Variants in SCPEP1 observed in about 807,000 individuals in gnomAD.
SCPEP1 encodes serine carboxypeptidase 1.
A neutral mutation model predicts 63.8 loss-of-function variants in SCPEP1; 51 were observed. The observed-to-expected ratio is 0.80, with a 90% confidence interval of 0.64 to 1.01. The LOEUF (loss-of-function observed/expected upper bound fraction) is 1.01, where lower values mean the gene tolerates loss of function less well. Ranked by LOEUF, SCPEP1 falls within the 50% of genes least tolerant of loss-of-function variation. The pLI, the probability that SCPEP1 is intolerant of heterozygous loss-of-function variation, is 0.00. For synonymous variants in SCPEP1, 204 were observed against 207.8 expected (o/e 0.98, Z 0.16); for missense variants, 499 against 554.9 (o/e 0.90, Z 1.01).
intron 8 of SCPEP1, among the ~76,000 whole-genome samples, chr17:56,996,715 C>T (rs1410677923): frequency 6.6e-6 from 1 of 151,400 alleles, no homozygotes; most frequent in East Asian, 2.0e-4. Context: ...AGAGGGGTTT[C>T]ACCATGTTGA....
chr17:56,993,513 G>A (rs1222597247), intron 6 of SCPEP1, among the ~76,000 whole-genome samples: 1 of 152,110 alleles, frequency 6.6e-6, no homozygotes, highest in African/African-American at 2.4e-5. Flanking sequence ...GCACGATCTC[G>A]GCTCACTGCA....
intron 1 of SCPEP1, 107 bp from the exon 2 acceptor site, chr17:56,980,975 C>A (rs1417369979): frequency 3.0e-6 from 4 of 1,337,054 alleles, no homozygotes; most frequent in African/African-American, 2.9e-5. Context: ...AATTACCAAA[C>A]TATAAAACAA....
At chr17:56,995,256 C>G in intron 7 of SCPEP1, 3 of 563,562 alleles carry the variant, frequency 5.3e-6, no homozygotes. Context: ...TTTCCAATGC[C>G]CTAAATTTTT....
At chr17:56,986,256 G>A (rs999219524) in intron 3 of SCPEP1, among the ~76,000 whole-genome samples, 3 of 147,882 alleles carry the variant, frequency 2.0e-5, no homozygotes, top group Non-Finnish European at 3.0e-5. Flanking sequence ...ATGTCCCTCC[G>A]TCACCAAGGC....
chr17:56,993,435 T>G (rs1361376758), intron 6 of SCPEP1, among the ~76,000 whole-genome samples: 2 of 148,466 alleles, frequency 1.3e-5, no homozygotes, highest in African/African-American at 5.3e-5. Context: ...GTTTTTGTTG[T>G]TTGTTTGTTT....
chr17:56,984,241 C>T (rs1274072898), intron 2 of SCPEP1: 1 of 152,456 alleles, frequency 6.6e-6, no homozygotes, highest in Non-Finnish European at 1.5e-5. Context: ...TTCATATCTC[C>T]CTTTCCTACC....
chr17:56,988,091 G>T (rs1046004900), intron 4 of SCPEP1, 125 bp from the exon 5 acceptor site: 2 of 810,358 alleles, frequency 2.5e-6, no homozygotes, highest in Non-Finnish European at 4.0e-6. Context: ...ATGGAGTGGT[G>T]GGGGAGGAAG....
Position 56,985,468 on chromosome 17 carries a change from G to A in SCPEP1, c.315+1G>A, listed in dbSNP as rs1284523621. On this transcript the variant is annotated splice_donor_variant, in intron 3 of 12. Coordinates refer to ENST00000262288, the MANE Select transcript of SCPEP1 (RefSeq NM_021626.3). LOFTEE classifies it high-confidence loss of function. ...TCTCAAACCACGGAAAACCACCTGG[G>A]TACAGTGAGGACAGTCCTGAGCTAA... The A allele has an allele frequency of 1.2e-6, 2 of 1,611,098 alleles. No homozygotes were observed. Among genetic ancestry groups the A allele is most frequent in the Admixed American group, 1.7e-5 (1 of 60,002 alleles).
rs138036655 is a variant in SCPEP1, at chr17:56,995,516, G to T, written c.667G>T (p.Glu223Ter). 7 of 1,612,388 alleles carry T rather than the reference G, an allele frequency of 4.3e-6. No individual in the cohort carries two copies. Among genetic ancestry groups the T allele is most frequent in the Non-Finnish European group, 5.9e-6 (7 of 1,179,536 alleles). ...TTGGTTTGCATTCCAGTCTCTTCTC[G>T]AAGACAAAGGTCTGGCAGAGGTGTC... ...GPYLYSMSLL[E>*]DKGLAEVSKV... Residue 223 changes from glutamate (E) to a stop codon, truncating the protein, a stop_gained, in exon 8 of 13, where the codon GAA becomes TAA. Transcript: ENST00000262288. LOFTEE classifies it high-confidence loss of function.
intron 9 of SCPEP1, 59 bp downstream of exon 9, chr17:56,997,114 T>G: frequency 9.6e-7 from 1 of 1,040,768 alleles, no homozygotes; most frequent in Non-Finnish European, 1.4e-6. Context: ...AAAAGAAACC[T>G]GTTTATTAAA....
rs372774993 is a variant in SCPEP1, at chr17:56,986,197, G to A, written c.315+730G>A. 2.7e-4 allele frequency among the ~76,000 whole-genome samples: 41 copies of A among 151,048 alleles called. 1 individual carries two copies. The highest frequency in any genetic ancestry group is 7.3e-4 in the African/African-American group (30 of 41,188). On this transcript the variant is annotated intron_variant, in intron 3 of 12. Coordinates refer to ENST00000262288, the MANE Select transcript of SCPEP1 (RefSeq NM_021626.3). The stretch of plus-strand genomic sequence containing the variant: ...GTGCTCCTCCTCCAGCCTCCCTCTC[G>A]CATTAGAAGCTAAGCTTTCTGCTCT...
chr17:56,987,516 G>GTT, intron 3 of SCPEP1, 179 bp from the exon 4 acceptor site: 6 of 466,616 alleles, frequency 1.3e-5, no homozygotes, highest in East Asian at 3.9e-5. Context: ...CTTTGTTTTT[G>GTT]TTTTTTTTTC....
chr17:56,992,022 G>T (rs1174918866), intron 6 of SCPEP1, among the ~76,000 whole-genome samples: 1 of 152,228 alleles, frequency 6.6e-6, no homozygotes, highest in East Asian at 1.9e-4. Flanking sequence ...AAGAGAGGCT[G>T]CCTAGGGGCA....
intron 10 of SCPEP1, among the ~76,000 whole-genome samples, chr17:56,999,485 A>G (rs745608438): frequency 1.4e-4 from 22 of 152,286 alleles, no homozygotes; most frequent in Non-Finnish European, 2.4e-4. Context: ...TGTGTGTTCA[A>G]GATACCCCAA....
At chr17:56,980,445 A>G (rs572767357) in intron 1 of SCPEP1, among the ~76,000 whole-genome samples, 1 of 152,210 alleles carries the variant, frequency 6.6e-6, no homozygotes, top group East Asian at 1.9e-4. Context: ...CGATATAAAA[A>G]CCAGTATATT....
intron 2 of SCPEP1, chr17:56,982,760 CA>C (rs1262142534): frequency 6.6e-6 from 1 of 151,486 alleles, no homozygotes; most frequent in East Asian, 1.9e-4. Flanking sequence ...TTTTTACCCC[CA>C]AATGAAAGCT....
chr17:56,992,913 G>A (rs1911443479), intron 6 of SCPEP1, among the ~76,000 whole-genome samples: 1 of 152,138 alleles, frequency 6.6e-6, no homozygotes, highest in Non-Finnish European at 1.5e-5. Context: ...TCTCCTTGCC[G>A]TGACCCACTT....
intron 4 of SCPEP1, 115 bp downstream of exon 4, chr17:56,987,965 CTT>C: frequency 1.7e-6 from 2 of 1,191,556 alleles, no homozygotes; most frequent in South Asian, 1.6e-5. Flanking sequence ...TCAGAGAAAA[CTT>C]TTTAATTCCC....
chr17:56,993,406 C>T (rs759188394), intron 6 of SCPEP1, among the ~76,000 whole-genome samples: 2 of 152,038 alleles, frequency 1.3e-5, no homozygotes, highest in African/African-American at 4.8e-5. Context: ...TCTGCCCTGC[C>T]GCCTGCTCTG....
Sources: allele counts gnomAD v4.1 joint callset (sites outside exome capture counted in the v4.1 genomes callset), GRCh38; gene constraint gnomAD v4.1.1; transcripts MANE v1.5; gene names NCBI Gene and HGNC (gene_info 2026-07-23, HGNC 2026-07-21).